The following DPCD variants were observed in gnomAD, a reference collection of about 807,000 sequenced individuals.
The protein encoded by DPCD is protein DPCD.
A neutral mutation model predicts 26.4 loss-of-function variants in DPCD; 20 were observed. The observed-to-expected ratio is 0.76, with a 90% CI of 0.53 to 1.10. DPCD has a LOEUF of 1.10. Ranked by LOEUF, DPCD falls within the 50% of genes least tolerant of loss-of-function variation. The pLI, the probability that DPCD is intolerant of heterozygous loss-of-function variation, is 0.00. For synonymous variants in DPCD, 97 were observed against 94.2 expected, an observed-to-expected ratio of 1.03 and a Z score of -0.17; for missense variants, 202 against 253.9, an observed-to-expected ratio of 0.80 and a Z score of 1.39.
chr10:101,597,477 G>A (rs1445272469), intron 2 of DPCD, among the ~76,000 whole-genome samples: 1 of 152,202 alleles, frequency 6.6e-6, no homozygotes, highest in Non-Finnish European at 1.5e-5. Flanking sequence ...GGAGCTTTGG[G>A]GAAAGAGGCC....
Position 101,603,177 on chromosome 10 carries a change from G to A in DPCD, c.404+1841G>A, listed in dbSNP as rs1467686145. Among the ~76,000 whole-genome samples the A allele has an allele frequency of 1.3e-5, 2 of 152,214 alleles. No individual in the cohort carries two copies. Among genetic ancestry groups the A allele is most frequent in the African/African-American group, 4.8e-5 (2 of 41,452 alleles). On this transcript the variant is annotated intron_variant, in intron 4 of 5. Coordinates refer to ENST00000370151, the MANE Select transcript of DPCD (RefSeq NM_015448.3). This position sits in a 1 kb window ranked among gnomAD's most constrained non-coding sequence, Gnocchi z 4.6. Reference sequence around the variant, plus strand: ...ACCCACACTGAGCCTCTGGTCCAGTGTCCCAGCCTGGCTCATCCCTGCCCT... The same window carrying A: ...ACCCACACTGAGCCTCTGGTCCAGTATCCCAGCCTGGCTCATCCCTGCCCT...
intron 5 of DPCD, 136 bp from the exon 6 acceptor site, chr10:101,609,231 A>G (rs2063755826): frequency 1.2e-6 from 1 of 823,718 alleles, no homozygotes; most frequent in African/African-American, 1.7e-5. Context: ...CATGACCTTG[A>G]GCAAATCATT....
chr10:101,599,915 A>G (rs980404162), intron 2 of DPCD, among the ~76,000 whole-genome samples: 2 of 152,230 alleles, frequency 1.3e-5, no homozygotes, highest in Non-Finnish European at 2.9e-5. Context: ...ATCCCCCTGC[A>G]GTGATGGACC....
chr10:101,589,181 A>G (rs1398380088), intron 1 of DPCD, among the ~76,000 whole-genome samples: 2 of 152,196 alleles, frequency 1.3e-5, no homozygotes, highest in African/African-American at 4.8e-5. Flanking sequence ...CAATCAGGGA[A>G]GCCTGGAGTT....
Position 101,609,531 on chromosome 10 carries a change from C to A in DPCD, c.*60C>A. 1 of 1,489,106 alleles carries A rather than the reference C, an allele frequency of 6.7e-7. No individual in the cohort carries two copies. The highest frequency in any genetic ancestry group is 9.3e-7 in the Non-Finnish European group (1 of 1,079,492). 92.2% of individuals were successfully genotyped at this position (1,489,106 alleles called of 1,614,324 possible). A position where few individuals can be genotyped will look rare whatever the true frequency, so the allele number is the denominator to read the frequency against. On this transcript the variant is annotated 3_prime_UTR_variant, in exon 6 of 6. Coordinates refer to ENST00000370151, the MANE Select transcript of DPCD (RefSeq NM_015448.3). ...GTGCCGTGAGACTTCAAGGCTTGGC[C>A]CTTCTTGACCACGGCAGCCTCCTGT... is the stretch of plus-strand genomic sequence containing the variant.
intron 1 of DPCD, 109 bp from the exon 2 acceptor site, chr10:101,594,549 T>A (rs1369714334): frequency 4.7e-6 from 5 of 1,056,362 alleles, no homozygotes; most frequent in Non-Finnish European, 7.3e-6. Context: ...CCTGGCTGGG[T>A]TCCTCAGTAC....
At chr10:101,601,368 G>A in intron 4 of DPCD, 32 bp downstream of exon 4, 1 of 1,611,130 alleles carries the variant, frequency 6.2e-7, no homozygotes, top group Non-Finnish European at 8.5e-7. Flanking sequence ...CTGTGTGCTT[G>A]TGTATGAGCG....
chr10:101,590,564 T>C (rs569127450), intron 1 of DPCD, among the ~76,000 whole-genome samples: 2 of 151,920 alleles, frequency 1.3e-5, no homozygotes, highest in Admixed American at 6.6e-5. Flanking sequence ...AACTTTTTAA[T>C]CTTTCTCAAC....
chr10:101,596,140 T>A (rs914201652), intron 2 of DPCD, among the ~76,000 whole-genome samples: 6 of 152,258 alleles, frequency 3.9e-5, no homozygotes, highest in Non-Finnish European at 8.8e-5. Context: ...TGTAGCACCA[T>A]GTGCCCTGAT....
rs1317194676 is a variant in DPCD at position 101,596,660 on chromosome 10, A to C, written c.145+1922A>C. On this transcript the variant is annotated intron_variant, in intron 2 of 5. Coordinates refer to ENST00000370151, the MANE Select transcript of DPCD (RefSeq NM_015448.3). ...CTTGAGCCACTGGGCCCAGCTCTAG[A>C]ACAGCAGATCTTTTTCTTACTCTTC... 2.6e-5 allele frequency: 4 copies of C among 152,294 alleles called. No homozygotes were observed. In the East Asian group the frequency reaches 7.7e-4, roughly 29 times the overall value. 9.4% of individuals were successfully genotyped at this position (152,294 alleles called of 1,614,324 possible).
In DPCD at chr10:101,608,913, C is replaced by T. The variant is rs145149344; in HGVS notation, c.483C>T (p.His161=). The T allele has an allele frequency of 4.0e-5, 64 of 1,613,420 alleles. No homozygotes were observed. In the Middle Eastern group the frequency reaches 4.9e-4, roughly 12 times the overall value. The stretch of plus-strand genomic sequence containing the variant: ...ATGACGCCTTGCTGAGCTTTGCCCA[C>T]GCCAACTGCACCCTGATCATCTCTG... ...PLDDALLSFA[H]ANCTLIISYQ... is the part of the protein sequence containing the mutation. The change falls in exon 5 of 6, where the codon CAC becomes CAT. Residue 161 remains histidine, a synonymous_variant. Coordinates refer to ENST00000370151, the MANE Select transcript of DPCD (RefSeq NM_015448.3).
intron 4 of DPCD, 95 bp from the exon 5 acceptor site, chr10:101,608,740 G>A: frequency 1.3e-6 from 1 of 789,638 alleles, no homozygotes; most frequent in Non-Finnish European, 2.2e-6. Context: ...GGAAGGTGTG[G>A]AAGAACTAGG....
At chr10:101,589,036 C>T (rs1160495133) in intron 1 of DPCD, among the ~76,000 whole-genome samples, 1 of 152,278 alleles carries the variant, frequency 6.6e-6, no homozygotes, top group Non-Finnish European at 1.5e-5. Flanking sequence ...TTTCCCCACC[C>T]TAGGATTGGC....
chr10:101,593,942 A>G (rs2063631428), intron 1 of DPCD, among the ~76,000 whole-genome samples: 1 of 152,218 alleles, frequency 6.6e-6, no homozygotes, highest in African/African-American at 2.4e-5. Context: ...TTAGGAAACC[A>G]TAGCATGGGG....
At chr10:101,602,373 C>G (rs1703577961) in intron 4 of DPCD, among the ~76,000 whole-genome samples, 1 of 152,210 alleles carries the variant, frequency 6.6e-6, no homozygotes, top group South Asian at 2.1e-4. Context: ...CAGACTCCCC[C>G]ATCGCAGCCC....
rs762835792 is a variant in DPCD at position 101,601,288 on chromosome 10, C to T, written c.356C>T (p.Ser119Phe). Reference protein sequence around the residue: ...LPYPKDVYSVSVDQKERCIIV... With the variant: ...LPYPKDVYSVFVDQKERCIIV... ...TATCCTAAGGATGTCTATAGTGTCTCTGTGGACCAGAAGGAGCGCTGCATC... is the reference window on the plus strand; with the variant it reads ...TATCCTAAGGATGTCTATAGTGTCTTTGTGGACCAGAAGGAGCGCTGCATC... Residue 119 changes from serine to phenylalanine, a missense_variant, in exon 4 of 6, where the codon TCT becomes TTT. Physicochemically the swap from Ser to Phe is radical, Grantham distance 155. Transcript: ENST00000370151. 2 of 1,613,866 alleles carry T rather than the reference C, an allele frequency of 1.2e-6. No homozygotes were observed. Among genetic ancestry groups the T allele is most frequent in the Non-Finnish European group, 1.7e-6 (2 of 1,179,924 alleles).
intron 2 of DPCD, among the ~76,000 whole-genome samples, chr10:101,596,872 C>G (rs2063655498): frequency 6.6e-6 from 1 of 152,104 alleles, no homozygotes. Context: ...TGATAATTAG[C>G]CAAACCAGTT....
At chr10:101,609,000 CT>C (rs2134786536) in intron 5 of DPCD, 63 bp downstream of exon 5, 1 of 1,341,548 alleles carries the variant, frequency 7.5e-7, no homozygotes, top group East Asian at 2.3e-5. Context: ...TCCCTGCCCA[CT>C]TCCCATCCCA....
At chr10:101,590,774 A>G (rs944559939) in intron 1 of DPCD, among the ~76,000 whole-genome samples, 2 of 151,386 alleles carry the variant, frequency 1.3e-5, no homozygotes, top group Non-Finnish European at 2.9e-5. Flanking sequence ...CCAAATGCCA[A>G]CTCCTCATTC....
Sources: gnomAD v4.1 joint callset for allele counts (sites outside exome capture counted in the v4.1 genomes callset) on GRCh38, gnomAD v4.1.1 for gene constraint, Gnocchi (gnomAD v3.1) non-coding constraint, MANE v1.5 for transcripts, NCBI Gene and HGNC (gene_info 2026-07-23, HGNC 2026-07-21) for gene names.